Variants in ARID5B observed in about 807,000 individuals in gnomAD.
ARID5B encodes the protein AT-rich interaction domain 5B, also known as AT-rich interactive domain-containing protein 5B.
Under a neutral mutation model 97.2 loss-of-function variants are expected in ARID5B, and 13 were observed. That is an observed-to-expected ratio of 0.13 (90% CI 0.09 to 0.21). The LOEUF (loss-of-function observed/expected upper bound fraction) is 0.21, where lower values mean the gene tolerates loss of function less well. Ranked by LOEUF, ARID5B falls within the 10% of genes least tolerant of loss-of-function variation. The pLI, the probability that ARID5B is intolerant of heterozygous loss-of-function variation, is 1.00. For missense variants in ARID5B, 1,210 were observed against 1,465.3 expected, an observed-to-expected ratio of 0.83 and a Z score of 2.84; for synonymous variants, 556 against 570.3, an observed-to-expected ratio of 0.97 and a Z score of 0.36.
At chr10:62,014,668 G>A (rs1839260488) in intron 4 of ARID5B, among the ~76,000 whole-genome samples, 1 of 152,000 alleles carries the variant, frequency 6.6e-6, no homozygotes, top group Admixed American at 6.6e-5. Flanking sequence ...AACCTCTCTG[G>A]GACTCCACGT....
At chr10:62,059,854 G>C (rs552896305) in intron 7 of ARID5B, among the ~76,000 whole-genome samples, 1 of 152,236 alleles carries the variant, frequency 6.6e-6, no homozygotes, top group East Asian at 1.9e-4. Context: ...ACAGCAATGG[G>C]TTATTTTTAG....
chr10:61,948,469 C>T (rs533946218), intron 3 of ARID5B, among the ~76,000 whole-genome samples: 15 of 138,460 alleles, frequency 1.1e-4, no homozygotes, highest in African/African-American at 3.8e-4. Context: ...TGGGTTCAAG[C>T]AATTTCCCTG....
At chr10:62,035,580 T>A (rs1839552394) in intron 4 of ARID5B, among the ~76,000 whole-genome samples, 1 of 152,104 alleles carries the variant, frequency 6.6e-6, no homozygotes, top group African/African-American at 2.4e-5. Flanking sequence ...AACCTCCACC[T>A]CATGGGTTTA....
intron 8 of ARID5B, 53 bp from the exon 9 acceptor site, chr10:62,085,649 G>T (rs1840270215): frequency 7.0e-7 from 1 of 1,435,766 alleles, no homozygotes. Context: ...CCATAGCATT[G>T]ATGCTACTGG....
chr10:61,910,872 G>A (rs1843791970), intron 2 of ARID5B, among the ~76,000 whole-genome samples: 1 of 152,204 alleles, frequency 6.6e-6, no homozygotes, highest in Non-Finnish European at 1.5e-5. Flanking sequence ...CTTTGTGGCT[G>A]TATAAATAGA....
intron 4 of ARID5B, among the ~76,000 whole-genome samples, chr10:62,017,385 G>A (rs1270264003): frequency 6.6e-6 from 1 of 151,934 alleles, no homozygotes; most frequent in Non-Finnish European, 1.5e-5. Context: ...CTGGGCATCG[G>A]AGACTGCAGT....
At chr10:62,050,804 A>T (rs1474885320) in intron 4 of ARID5B, 84 bp from the exon 5 acceptor site, 59 of 1,125,252 alleles carry the variant, frequency 5.2e-5, no homozygotes, top group Non-Finnish European at 1.6e-5. Context: ...ATTAGAAGGG[A>T]TCACTGTAGT....
Position 62,015,265 on chromosome 10 carries a change from T to C in ARID5B, c.733+14944T>C, listed in dbSNP as rs868379882. The stretch of plus-strand genomic sequence containing the variant: ...CCTACTATGTTCATTATCTCCTCGA[T>C]TTTCACAATAATACTTAGGTAGGGA... On this transcript the variant is annotated intron_variant, in intron 4 of 9. Transcript: ENST00000279873. Among the ~76,000 whole-genome samples the C allele has an allele frequency of 1.1e-4, 17 of 152,302 alleles. 1 individual carries two copies. In the Middle Eastern group the frequency reaches 0.014, roughly 122 times the overall value.
intron 2 of ARID5B, among the ~76,000 whole-genome samples, chr10:61,910,690 T>C (rs917420554): frequency 2.0e-5 from 3 of 152,230 alleles, no homozygotes; most frequent in African/African-American, 7.2e-5. Flanking sequence ...ATGATGATTA[T>C]TGAAAGGGTG....
chr10:62,088,897 C>T (rs9414761), intron 9 of ARID5B, among the ~76,000 whole-genome samples: 101,949 of 152,056 alleles, frequency 0.67, 34,676 homozygotes, highest in Middle Eastern at 0.79. Flanking sequence ...TGGTGGGAAG[C>T]TAACATTTAA....
chr10:62,069,170 G>A (rs751703067), intron 7 of ARID5B, among the ~76,000 whole-genome samples: 55 of 152,282 alleles, frequency 3.6e-4, no homozygotes, highest in African/African-American at 1.1e-3. Flanking sequence ...CTTAATCTGT[G>A]TAGTAATTTT....
At chr10:61,953,080 C>A (rs1450080436) in intron 3 of ARID5B, among the ~76,000 whole-genome samples, 1 of 151,928 alleles carries the variant, frequency 6.6e-6, no homozygotes, top group Non-Finnish European at 1.5e-5. Flanking sequence ...AGCACGACAT[C>A]TAGTGCTGCT....
intron 3 of ARID5B, among the ~76,000 whole-genome samples, chr10:61,999,277 A>T (rs960797168): frequency 1.3e-5 from 2 of 152,256 alleles, no homozygotes; most frequent in Non-Finnish European, 2.9e-5. Context: ...CACTGAAAAG[A>T]TTATACAGAT....
chr10:61,945,150 C>T (rs1844479575), intron 3 of ARID5B, among the ~76,000 whole-genome samples: 1 of 152,188 alleles, frequency 6.6e-6, no homozygotes, highest in Non-Finnish European at 1.5e-5. Context: ...CACTGGAAGA[C>T]ACTGTATGAT....
intron 7 of ARID5B, among the ~76,000 whole-genome samples, chr10:62,069,398 AG>A (rs1373402513): frequency 2.0e-5 from 3 of 152,256 alleles, no homozygotes; most frequent in African/African-American, 7.2e-5. Context: ...TTAAAGGAAC[AG>A]GGTATGAGTA....
intron 4 of ARID5B, among the ~76,000 whole-genome samples, chr10:62,006,057 G>C (rs1208830385): frequency 6.6e-6 from 1 of 152,192 alleles, no homozygotes; most frequent in Non-Finnish European, 1.5e-5. Context: ...GTATATTGCT[G>C]TTTATGCAGA....
At chr10:61,981,470 CA>C (rs1838775907) in intron 3 of ARID5B, among the ~76,000 whole-genome samples, 1 of 152,096 alleles carries the variant, frequency 6.6e-6, no homozygotes, top group Non-Finnish European at 1.5e-5. Flanking sequence ...TTAATAGAGA[CA>C]GGGTTTTGCT....
chr10:62,031,574 A>G (rs1839497614), intron 4 of ARID5B, among the ~76,000 whole-genome samples: 1 of 152,204 alleles, frequency 6.6e-6, no homozygotes, highest in Non-Finnish European at 1.5e-5. Flanking sequence ...GACTTATACC[A>G]TTGGTTGGCT....
intron 4 of ARID5B, among the ~76,000 whole-genome samples, chr10:62,007,009 T>C (rs1268812981): frequency 6.6e-6 from 1 of 152,222 alleles, no homozygotes; most frequent in Admixed American, 6.5e-5. Context: ...GAGAAAGTTA[T>C]ATCCCATTAC....
Sources: gnomAD v4.1 joint callset for allele counts (sites outside exome capture counted in the v4.1 genomes callset) on GRCh38, gnomAD v4.1.1 for gene constraint, MANE v1.5 for transcripts, NCBI Gene and HGNC (gene_info 2026-07-23, HGNC 2026-07-21) for gene names.